The following FGD4 variants were observed in gnomAD, a reference collection of about 807,000 sequenced individuals.
FGD4 encodes FYVE, RhoGEF and PH domain containing 4, also known as FYVE, RhoGEF and PH domain-containing protein 4.
In FGD4, 42 loss-of-function variants were observed where a neutral mutation model predicts 102.0. That is an observed-to-expected ratio of 0.41 (90% confidence interval 0.32 to 0.53). FGD4 has a LOEUF of 0.53. FGD4 is among the 20% of genes least tolerant of loss of function. The pLI, the probability that FGD4 is intolerant of heterozygous loss-of-function variation, is 0.21. For missense variants in FGD4, 902 were observed against 1,078.2 expected, an observed-to-expected ratio of 0.84 and a Z score of 2.29; for synonymous variants, 380 against 375.7, an observed-to-expected ratio of 1.01 and a Z score of -0.13.
At chr12:32,404,767 A>G (rs1478345069) in intron 1 of FGD4, among the ~76,000 whole-genome samples, 1 of 152,104 alleles carries the variant, frequency 6.6e-6, no homozygotes, top group African/African-American at 2.4e-5. Flanking sequence ...TTAGAATCAT[A>G]CAATGTTCTA....
intron 14 of FGD4, among the ~76,000 whole-genome samples, chr12:32,630,891 C>T (rs541725281): frequency 4.6e-5 from 7 of 150,970 alleles, no homozygotes; most frequent in African/African-American, 1.2e-4. Context: ...GGTGGGAGGA[C>T]GGCTTGAGCT....
intron 14 of FGD4, among the ~76,000 whole-genome samples, chr12:32,628,636 T>A (rs1465539240): frequency 6.6e-6 from 1 of 152,072 alleles, no homozygotes; most frequent in Non-Finnish European, 1.5e-5. Context: ...CCGTCTCTAC[T>A]AAAAATACAA....
chr12:32,481,156 A>AAAAAAAAAAAAC, intron 1 of FGD4, among the ~76,000 whole-genome samples: 1 of 148,674 alleles, frequency 6.7e-6, no homozygotes, highest in African/African-American at 2.5e-5. Flanking sequence ...AAAAAAAAAA[A>AAAAAAAAAAAAC]AGCCGGGCGC....
intron 1 of FGD4, among the ~76,000 whole-genome samples, chr12:32,401,903 ATTTT>A (rs537785812): frequency 2.4e-5 from 2 of 85,072 alleles, no homozygotes; most frequent in Non-Finnish European, 2.4e-5. Flanking sequence ...ATTTTTGTAC[ATTTT>A]TTTTTTTTTT....
chr12:32,546,934 A>G (rs1269881581), intron 1 of FGD4, among the ~76,000 whole-genome samples: 3 of 152,210 alleles, frequency 2.0e-5, no homozygotes, highest in South Asian at 2.1e-4. Context: ...ATCAAGACTC[A>G]TGTTCCTCTT....
rs1374157077 is a variant in FGD4 at position 32,645,932 on chromosome 12, T to C, written c.*5399T>C. 6.6e-6 allele frequency: 1 copy of C among 152,194 alleles called. No individual in the cohort carries two copies. The highest frequency in any genetic ancestry group is 2.4e-5 in the African/African-American group (1 of 41,446). The allele number at this position is 152,194 out of a possible 1,614,324, so 9.4% of individuals were successfully genotyped here. On this transcript the variant is annotated 3_prime_UTR_variant, in exon 17 of 17. Transcript: ENST00000534526. ...ACTTGCAGATAATGTATATATTGTG[T>C]AATATATGTATATTTGGTCATAAAA...
chr12:32,519,879 A>C (rs1940320374), intron 1 of FGD4, among the ~76,000 whole-genome samples: 1 of 152,180 alleles, frequency 6.6e-6, no homozygotes, highest in Non-Finnish European at 1.5e-5. Context: ...CCCAGGAGGC[A>C]GAGGCTACAG....
In FGD4 at chr12:32,442,255, G is replaced by A. The variant is rs141165205; in HGVS notation, c.166+42296G>A. Among the ~76,000 whole-genome samples the A allele has an allele frequency of 7.5e-3, 1,145 of 151,954 alleles. 10 individuals carry two copies. Among genetic ancestry groups the A allele is most frequent in the African/African-American group, 0.025 (1,037 of 41,470 alleles). Reference sequence around the variant, plus strand: ...TTTTTAGTAGAGACGGGGTTTCACCGTGTTAGCCATGATGGTCTTGATCTC... The same window carrying A: ...TTTTTAGTAGAGACGGGGTTTCACCATGTTAGCCATGATGGTCTTGATCTC... On this transcript the variant is annotated intron_variant, in intron 1 of 16. Coordinates refer to ENST00000534526, the MANE Select transcript of FGD4 (RefSeq NM_001370298.3).
At chr12:32,603,521 G>T (rs1948563263) in intron 7 of FGD4, among the ~76,000 whole-genome samples, 1 of 151,980 alleles carries the variant, frequency 6.6e-6, no homozygotes, top group African/African-American at 2.4e-5. Flanking sequence ...CTGTTGCTGG[G>T]ACTACAGGCG....
At chr12:32,458,856 C>A (rs1053739458) in intron 1 of FGD4, among the ~76,000 whole-genome samples, 1 of 152,190 alleles carries the variant, frequency 6.6e-6, no homozygotes, top group Admixed American at 6.5e-5. Context: ...AGGAAGCATT[C>A]ACCCATTCTG....
rs1939767293 is a variant in FGD4 at position 32,515,163 on chromosome 12, A to C, written c.167-48974A>C. Among the ~76,000 whole-genome samples, 2 of 152,234 alleles carry C rather than the reference A, an allele frequency of 1.3e-5. 1 individual carries two copies. The highest frequency in any genetic ancestry group is 4.8e-5 in the African/African-American group (2 of 41,466). ...CCAATCCCATTTCAACAATGGGAAG[A>C]TAAGGAGTGGCACAACACCATGGGA... On this transcript the variant is annotated intron_variant, in intron 1 of 16. Coordinates refer to ENST00000534526, the MANE Select transcript of FGD4 (RefSeq NM_001370298.3).
At chr12:32,477,508 G>A (rs1250434928) in intron 1 of FGD4, 1 of 152,348 alleles carries the variant, frequency 6.6e-6, no homozygotes, top group African/African-American at 2.4e-5. Flanking sequence ...TTTCACAGAT[G>A]GACAGAAGTC....
chr12:32,497,476 A>T (rs1937892279), intron 1 of FGD4, among the ~76,000 whole-genome samples: 1 of 152,178 alleles, frequency 6.6e-6, no homozygotes, highest in South Asian at 2.1e-4. Context: ...CTCTTTATAG[A>T]TACTGTATTT....
chr12:32,527,884 T>G (rs1200619944), intron 1 of FGD4, among the ~76,000 whole-genome samples: 1 of 152,214 alleles, frequency 6.6e-6, no homozygotes, highest in Non-Finnish European at 1.5e-5. Context: ...AATGTTTTTA[T>G]TCTCTAGTAT....
intron 1 of FGD4, among the ~76,000 whole-genome samples, chr12:32,562,852 TTTTCCCCACCTTTCCCCCC>T (rs1411158371): frequency 6.6e-6 from 1 of 152,204 alleles, no homozygotes; most frequent in Non-Finnish European, 1.5e-5. Context: ...CTTCTCAATC[TTTTCCCCACCTTTCCCCCC>T]TTTCTATTCC....
chr12:32,530,251 G>A (rs959751342), intron 1 of FGD4, among the ~76,000 whole-genome samples: 1 of 152,172 alleles, frequency 6.6e-6, no homozygotes, highest in African/African-American at 2.4e-5. Context: ...GGGAGGCTGA[G>A]GCAGGCAGAT....
intron 4 of FGD4, among the ~76,000 whole-genome samples, chr12:32,589,651 TCAC>T (rs1183412614): frequency 6.6e-6 from 1 of 152,234 alleles, no homozygotes; most frequent in East Asian, 1.9e-4. Flanking sequence ...TGTTCTCTCT[TCAC>T]CACCACTTAC....
intron 1 of FGD4, among the ~76,000 whole-genome samples, chr12:32,459,343 G>A (rs145793340): frequency 1.4e-4 from 21 of 151,966 alleles, no homozygotes; most frequent in African/African-American, 4.6e-4. Context: ...ACAGGTGTGC[G>A]CCACCACGCC....
chr12:32,500,396 T>A (rs772399172), intron 1 of FGD4, among the ~76,000 whole-genome samples: 7 of 14,368 alleles, frequency 4.9e-4, no homozygotes, highest in African/African-American at 1.7e-3. Flanking sequence ...ATTTTATTTT[T>A]ATTTTATTTT....
Sources: allele counts gnomAD v4.1 joint callset (sites outside exome capture counted in the v4.1 genomes callset), GRCh38; gene constraint gnomAD v4.1.1; transcripts MANE v1.5; gene names NCBI Gene and HGNC (gene_info 2026-07-23, HGNC 2026-07-21).